STX1B: variants seen among roughly 807,000 people sequenced by gnomAD.
STX1B encodes the protein syntaxin-1B.
In STX1B, 7 loss-of-function variants were observed where a neutral mutation model predicts 39.4. That is an observed-to-expected ratio of 0.18 (90% confidence interval 0.10 to 0.33). STX1B has a LOEUF of 0.33. STX1B is among the 10% of genes least tolerant of loss of function. The pLI, the probability that STX1B is intolerant of heterozygous loss-of-function variation, is 1.00. For synonymous variants in STX1B, 136 were observed against 144.1 expected (o/e 0.94, Z 0.40); for missense variants, 198 against 383.2 (o/e 0.52, Z 4.04).
At chr16:31,005,743 C>A (rs755734446) in intron 1 of STX1B, among the ~76,000 whole-genome samples, 18 of 152,186 alleles carry the variant, frequency 1.2e-4, no homozygotes, top group Admixed American at 6.5e-5. Context: ...GACTCAAACT[C>A]AGGCACTCTG....
At position 30,992,743 on chromosome 16, in the gene STX1B, T is replaced by C; in HGVS notation, c.*78A>G. On this transcript the variant is annotated 3_prime_UTR_variant, in exon 10 of 10. Transcript: ENST00000215095. ...TTGGGAGTGAGCCTGGAGCAGGGGA[T>C]GGAGTGAAAGGGGTGGTGGGGGTAT... is the stretch of plus-strand genomic sequence containing the variant. 1 of 617,762 alleles carries C rather than the reference T, an allele frequency of 1.6e-6. No individual in the cohort carries two copies. The highest frequency in any genetic ancestry group is 2.5e-6 in the Non-Finnish European group (1 of 393,908). 38.3% of individuals were successfully genotyped at this position (617,762 alleles called of 1,614,324 possible). A position where few individuals can be genotyped will look rare whatever the true frequency, so the allele number is the denominator to read the frequency against.
chr16:30,992,048 G>A lies in STX1B; in HGVS notation c.*773C>T, dbSNP rs971185188. ...AGGTGTCCAGTCCACAGTGTGGAGG[G>A]CTCTATCTGAGAAGACCTATCAATA... On this transcript the variant is annotated 3_prime_UTR_variant, in exon 10 of 10. Transcript: ENST00000215095. 1 of 150,730 alleles carries A rather than the reference G, an allele frequency of 6.6e-6. No individual in the cohort carries two copies. The highest frequency in any genetic ancestry group is 2.4e-5 in the African/African-American group (1 of 40,894). The allele number at this position is 150,730 out of a possible 1,614,324, so 9.3% of individuals were successfully genotyped here. A position where few individuals can be genotyped will look rare whatever the true frequency, so the allele number is the denominator to read the frequency against.
At chr16:30,997,384 G>T in intron 5 of STX1B, 118 bp downstream of exon 5, 2 of 242,942 alleles carry the variant, frequency 8.2e-6, no homozygotes, top group Non-Finnish European at 7.9e-6. Flanking sequence ...CCAGAGCCCC[G>T]CCCCAGCCCT....
At position 30,992,536 on chromosome 16, in the gene STX1B, A is replaced by G; in HGVS notation, c.*285T>C. On this transcript the variant is annotated 3_prime_UTR_variant, in exon 10 of 10. Transcript: ENST00000215095. ...GGTGCTCTGGTGCATCACACACATC[A>G]CACGCACACGCACGCTGGGGTGTCC... 2.7e-6 allele frequency: 1 copy of G among 373,690 alleles called. No homozygotes were observed. The highest frequency in any genetic ancestry group is 4.6e-5 in the East Asian group (1 of 21,530). The allele number at this position is 373,690 out of a possible 1,614,324, so 23.1% of individuals were successfully genotyped here. A position where few individuals can be genotyped will look rare whatever the true frequency, so the allele number is the denominator to read the frequency against.
chr16:30,999,550 T>TA (rs1292290875), intron 4 of STX1B, among the ~76,000 whole-genome samples: 28 of 152,342 alleles, frequency 1.8e-4, no homozygotes, highest in South Asian at 4.1e-4. Context: ...AGGTGGTTAT[T>TA]ACCAGCACCC....
In STX1B at chr16:30,996,730, G is replaced by A; in HGVS notation, c.490C>T (p.Leu164=). Residue 164 remains leucine, a synonymous_variant, in exon 7 of 10, where the codon CTG becomes TTG. Transcript: ENST00000215095. Reference sequence around the variant, plus strand: ...TTCCCGCTCTCCAGCATGTCTTCCAGTTCTTCGTTGGTGGTGGTCCTTCCA... The same window carrying A: ...TTCCCGCTCTCCAGCATGTCTTCCAATTCTTCGTTGGTGGTGGTCCTTCCA... ...ITGRTTTNEE[L]EDMLESGKLA... 6.2e-7 allele frequency: 1 copy of A among 1,614,166 alleles called. No homozygotes were observed. The highest frequency in any genetic ancestry group is 8.5e-7 in the Non-Finnish European group (1 of 1,179,994).
chr16:31,006,099 G>C (rs1382367721), intron 1 of STX1B, among the ~76,000 whole-genome samples: 2 of 152,214 alleles, frequency 1.3e-5, no homozygotes, highest in African/African-American at 4.8e-5. Flanking sequence ...AAAAGTCAGA[G>C]AGAGTGTGCG....
At chr16:30,997,857 G>A (rs1030310416) in intron 4 of STX1B, among the ~76,000 whole-genome samples, 1 of 152,218 alleles carries the variant, frequency 6.6e-6, no homozygotes, top group Non-Finnish European at 1.5e-5. Context: ...GGCAGAACTG[G>A]GTCTTGGAAA....
intron 9 of STX1B, 45 bp downstream of exon 9, chr16:30,993,085 G>T: frequency 1.3e-6 from 2 of 1,583,092 alleles, no homozygotes; most frequent in Non-Finnish European, 1.7e-6. Context: ...CCCGGGCTCA[G>T]CCTTGGGCTC....
chr16:31,001,180 C>T lies in STX1B; in HGVS notation c.119G>A (p.Arg40Gln). 2 of 1,613,768 alleles carry T rather than the reference C, an allele frequency of 1.2e-6. No homozygotes were observed. The highest frequency in any genetic ancestry group is 1.7e-6 in the Non-Finnish European group (2 of 1,180,022). ...CTCCGACAGTTTCTCAATGCAGCCC[C>T]GGATCTCTTCCACCTGGAGCAGAAA... ...DEFFEQVEEIRGCIEKLSEDV... is the reference protein window; with the variant it reads ...DEFFEQVEEIQGCIEKLSEDV... The change falls in exon 3 of 10, where the codon CGG (arginine) becomes CAG (glutamine). Residue 40 changes from arginine (R) to glutamine (Q), a missense_variant. By Grantham distance (43) the Arg-to-Gln change is conservative (BLOSUM62 1). Transcript: ENST00000215095. The surrounding 1 kb of genome is among the most constrained non-coding windows in gnomAD (Gnocchi z 5.5).
At position 30,991,091 on chromosome 16, in the gene STX1B, T is replaced by G. The variant is rs1246146682; in HGVS notation, c.*1730A>C. 1 of 152,732 alleles carries G rather than the reference T, an allele frequency of 6.5e-6. No individual in the cohort carries two copies. Among genetic ancestry groups the G allele is most frequent in the African/African-American group, 2.4e-5 (1 of 41,454 alleles). 9.5% of individuals were successfully genotyped at this position (152,732 alleles called of 1,614,324 possible). ...GTGAGGAAGGGGTCGTGTCCTGATC[T>G]TTGATCCCTGCAGGGAAGTCCTTGG... On this transcript the variant is annotated 3_prime_UTR_variant, in exon 10 of 10. Coordinates refer to ENST00000215095, the MANE Select transcript of STX1B (RefSeq NM_052874.5).
chr16:30,992,998 A>G lies in STX1B; in HGVS notation c.787-97T>C, dbSNP rs560553604. ...CAGGGCAGAGGGTGGCAGGGAGAAG[A>G]GGGGAGAGAAAACAGAAACAGGAAG... On this transcript the variant is annotated intron_variant, in intron 9 of 9. Transcript: ENST00000215095. 4.5e-6 allele frequency: 6 copies of G among 1,326,118 alleles called. No individual in the cohort carries two copies. In the African/African-American group the frequency reaches 5.7e-5, roughly 13 times the overall value. 82.1% of individuals were successfully genotyped at this position (1,326,118 alleles called of 1,614,324 possible).
At position 31,004,975 on chromosome 16, in the gene STX1B, A is replaced by G. The variant is rs1333498220; in HGVS notation, c.31-3372T>C. On this transcript the variant is annotated intron_variant, in intron 1 of 9. Coordinates refer to ENST00000215095, the MANE Select transcript of STX1B (RefSeq NM_052874.5). ...CTGGTCCTAAAAAGCCCACTCTGCCATGTCCTCAGGACTGCTGAACTCCTG... is the reference window on the plus strand; with the variant it reads ...CTGGTCCTAAAAAGCCCACTCTGCCGTGTCCTCAGGACTGCTGAACTCCTG... Among the ~76,000 whole-genome samples, 4 of 152,212 alleles carry G rather than the reference A, an allele frequency of 2.6e-5. No homozygotes were observed. The East Asian group carries it at 5.8e-4, about 22-fold the overall frequency.
chr16:31,000,921 T>C lies in STX1B; in HGVS notation c.280+7A>G. 1.2e-6 allele frequency: 2 copies of C among 1,614,040 alleles called. No individual in the cohort carries two copies. Among genetic ancestry groups the C allele is most frequent in the Non-Finnish European group, 8.5e-7 (1 of 1,179,880 alleles). On this transcript the variant is annotated splice_region_variant and intron_variant, in intron 4 of 9. Transcript: ENST00000215095. Reference sequence around the variant, plus strand: ...TTCCTTCCTGGTTGAGGGATTGTACTCCTCACCTTTCAATTTGGACCGAAC... The same window carrying C: ...TTCCTTCCTGGTTGAGGGATTGTACCCCTCACCTTTCAATTTGGACCGAAC...
chr16:30,993,986 C>CAA (rs965896871), intron 7 of STX1B, among the ~76,000 whole-genome samples: 1 of 120,920 alleles, frequency 8.3e-6, no homozygotes, highest in Admixed American at 8.4e-5. Context: ...AATTCCATCT[C>CAA]AAAAAAAAAA....
At chr16:31,002,662 C>T (rs1436788233) in intron 1 of STX1B, among the ~76,000 whole-genome samples, 1 of 152,196 alleles carries the variant, frequency 6.6e-6, no homozygotes, top group African/African-American at 2.4e-5. Flanking sequence ...GTGCTACACA[C>T]ACCTGAGTCC....
In STX1B at chr16:30,992,702, G is replaced by GAGGGGTGGGA. The variant is rs1310364452; in HGVS notation, c.*118_*119insTCCCACCCCT. The GAGGGGTGGGA allele has an allele frequency of 4.5e-5, 30 of 668,010 alleles. No homozygotes were observed. Among genetic ancestry groups the GAGGGGTGGGA allele is most frequent in the Non-Finnish European group, 7.9e-5 (30 of 378,838 alleles). 41.4% of individuals were successfully genotyped at this position (668,010 alleles called of 1,614,324 possible). ...CACCAGGGTCTGCCGTGGGGGTGGG[G>GAGGGGTGGGA]CTGCCTGGGTCTGTTTTGGGAGTGA... On this transcript the variant is annotated 3_prime_UTR_variant, in exon 10 of 10. Coordinates refer to ENST00000215095, the MANE Select transcript of STX1B (RefSeq NM_052874.5).
At chr16:31,002,002 C>T (rs934918863) in intron 1 of STX1B, among the ~76,000 whole-genome samples, 26 of 152,154 alleles carry the variant, frequency 1.7e-4, no homozygotes, top group African/African-American at 5.8e-4. Context: ...TCCTGCTCTC[C>T]TGCCCAGATC....
Position 31,010,405 on chromosome 16 carries a change from G to C in STX1B, c.-9C>G, listed in dbSNP as rs1434475152. 2.0e-6 allele frequency: 3 copies of C among 1,493,300 alleles called. No individual in the cohort carries two copies. The highest frequency in any genetic ancestry group is 2.7e-6 in the Non-Finnish European group (3 of 1,111,786). 92.5% of individuals were successfully genotyped at this position (1,493,300 alleles called of 1,614,324 possible). On this transcript the variant is annotated 5_prime_UTR_variant, in exon 1 of 10. Transcript: ENST00000215095. Reference sequence around the variant, plus strand: ...TGAGTCCGATCCTTCATCCTGCGACGGCTCCTCCTCCTCCTCCTAGTCCTC... The same window carrying C: ...TGAGTCCGATCCTTCATCCTGCGACCGCTCCTCCTCCTCCTCCTAGTCCTC...
Sources: allele counts gnomAD v4.1 joint callset (sites outside exome capture counted in the v4.1 genomes callset), GRCh38; gene constraint gnomAD v4.1.1; non-coding constraint Gnocchi (gnomAD v3.1); transcripts MANE v1.5; gene names NCBI Gene and HGNC (gene_info 2026-07-23, HGNC 2026-07-21).